Variants in CYP7A1 observed in about 807,000 individuals in gnomAD.
CYP7A1 encodes the protein cytochrome P450 7A1.
A neutral mutation model predicts 43.8 loss-of-function variants in CYP7A1; 28 were observed. The observed-to-expected ratio is 0.64, with a 90% confidence interval of 0.47 to 0.88. CYP7A1 has a LOEUF of 0.88. Among genes scored for constraint, CYP7A1 ranks in the 40% least tolerant of loss-of-function variants. The pLI, the probability that CYP7A1 is intolerant of heterozygous loss-of-function variation, is 0.00. For synonymous variants in CYP7A1, 227 were observed against 222.5 expected, an observed-to-expected ratio of 1.02 and a Z score of -0.18; for missense variants, 637 against 611.9, an observed-to-expected ratio of 1.04 and a Z score of -0.43.
rs1481940948 is a variant in CYP7A1 at position 58,497,038 on chromosome 8, G to A, written c.474C>T (p.Ser158=). The A allele has an allele frequency of 5.5e-5, 89 of 1,608,716 alleles. No homozygotes were observed. The highest frequency in any genetic ancestry group is 7.4e-5 in the Non-Finnish European group (87 of 1,180,002). ...CCCAGGCAGCGGTCTTTGAGTTAGA[G>A]GAGACTGGAGGTCTCATGATACGTT... ...NLQRIMRPPV[S]SNSKTAAWVT... The change falls in exon 3 of 6, where the codon TCC becomes TCT. Residue 158 remains serine (S), a synonymous_variant. Transcript: ENST00000301645.
chr8:58,491,962 A>G (rs1436594953), intron 5 of CYP7A1, among the ~76,000 whole-genome samples, 188 bp from the exon 6 acceptor site: 1 of 152,180 alleles, frequency 6.6e-6, no homozygotes, highest in Non-Finnish European at 1.5e-5. Context: ...AAGCCTTGTG[A>G]TACCTCCTAT....
intron 4 of CYP7A1, 93 bp downstream of exon 4, chr8:58,494,413 C>T: frequency 2.2e-6 from 3 of 1,348,312 alleles, no homozygotes; most frequent in Non-Finnish European, 3.2e-6. Context: ...TAGTTTAATG[C>T]CTAGAATTCG....
At position 58,494,425 on chromosome 8, in the gene CYP7A1, T is replaced by C. The variant is rs3747809; in HGVS notation, c.1039+81A>G. 2,390 of 1,455,608 alleles carry C rather than the reference T, an allele frequency of 1.6e-3. 54 individuals carry two copies. In the East Asian group the frequency reaches 0.047, roughly 29 times the overall value. 90.2% of individuals were successfully genotyped at this position (1,455,608 alleles called of 1,614,324 possible). A position where few individuals can be genotyped will look rare whatever the true frequency, so the allele number is the denominator to read the frequency against. The stretch of plus-strand genomic sequence containing the variant: ...ATTTAGTTTAATGCCTAGAATTCGG[T>C]AAGTATATAATTTATGTTGGTCATT... On this transcript the variant is annotated intron_variant, in intron 4 of 5. Transcript: ENST00000301645.
At chr8:58,494,816 G>C (rs774205435) in intron 3 of CYP7A1, among the ~76,000 whole-genome samples, 180 bp from the exon 4 acceptor site, 1 of 152,148 alleles carries the variant, frequency 6.6e-6, no homozygotes, top group Admixed American at 6.5e-5. Flanking sequence ...TTATGTCCTT[G>C]GATATTAGTA....
At chr8:58,497,942 A>G (rs560129504) in intron 2 of CYP7A1, among the ~76,000 whole-genome samples, 3 of 152,312 alleles carry the variant, frequency 2.0e-5, no homozygotes, top group Admixed American at 6.5e-5. Flanking sequence ...ATGAATTTTT[A>G]TCTATCTTAT....
At chr8:58,498,770 AT>A (rs1157187223) in intron 1 of CYP7A1, among the ~76,000 whole-genome samples, 1 of 152,222 alleles carries the variant, frequency 6.6e-6, no homozygotes, top group Non-Finnish European at 1.5e-5. Context: ...AGGCAAAAGG[AT>A]TTACAAGACC....
intron 5 of CYP7A1, 123 bp downstream of exon 5, chr8:58,492,230 C>T (rs1809362186): frequency 3.1e-6 from 3 of 968,540 alleles, no homozygotes; most frequent in Non-Finnish European, 5.0e-6. Context: ...ATATTTAACA[C>T]AATTAAGCAG....
Position 58,497,206 on chromosome 8 carries a change from A to G in CYP7A1, c.322-16T>C. ...GCCCAAATGCCTGATAGCAAATAAA[A>G]CATGCAGAAAAAGAAGTTAAACCTG... is the stretch of plus-strand genomic sequence containing the variant. On this transcript the variant is annotated splice_polypyrimidine_tract_variant and intron_variant, in intron 2 of 5. Coordinates refer to ENST00000301645, the MANE Select transcript of CYP7A1 (RefSeq NM_000780.4). 1.3e-6 allele frequency: 2 copies of G among 1,591,030 alleles called. No individual in the cohort carries two copies. Among genetic ancestry groups the G allele is most frequent in the Middle Eastern group, 1.7e-4 (1 of 6,040 alleles).
chr8:58,498,225 T>C lies in CYP7A1; in HGVS notation c.321+4A>G. On this transcript the variant is annotated splice_donor_region_variant and intron_variant, in intron 2 of 5. Transcript: ENST00000301645. The stretch of plus-strand genomic sequence containing the variant: ...GAATGGTATATAAATGTAAAACTGC[T>C]TACCTTCGCAGAAGTAGCAAAGTGA... 6.2e-7 allele frequency: 1 copy of C among 1,613,978 alleles called. No individual in the cohort carries two copies.
At chr8:58,497,214 A>C in intron 2 of CYP7A1, 24 bp from the exon 3 acceptor site, 1 of 1,580,268 alleles carries the variant, frequency 6.3e-7, no homozygotes, top group South Asian at 1.1e-5. Flanking sequence ...AAACATGCAG[A>C]AAAAGAAGTT....
In CYP7A1 at chr8:58,494,653, G is replaced by A; in HGVS notation, c.909-17C>T. On this transcript the variant is annotated splice_polypyrimidine_tract_variant and intron_variant, in intron 3 of 5. Transcript: ENST00000301645. Reference sequence around the variant, plus strand: ...TCTGGGTTCCTATTAAAAGGTAAGAGAAAACATGTATGTACAGAAAATAAA... The same window carrying A: ...TCTGGGTTCCTATTAAAAGGTAAGAAAAAACATGTATGTACAGAAAATAAA... The A allele has an allele frequency of 3.7e-6, 6 of 1,612,752 alleles. No homozygotes were observed. The highest frequency in any genetic ancestry group is 5.1e-6 in the Non-Finnish European group (6 of 1,179,342).
chr8:58,491,451 T>C lies in CYP7A1; in HGVS notation c.*24A>G. The stretch of plus-strand genomic sequence containing the variant: ...TCTGCAGTCCTGTAATATCATCTAG[T>C]GTCCTCTTATTCCAGCCATGTATTC... On this transcript the variant is annotated 3_prime_UTR_variant, in exon 6 of 6. Coordinates refer to ENST00000301645, the MANE Select transcript of CYP7A1 (RefSeq NM_000780.4). The C allele has an allele frequency of 6.2e-7, 1 of 1,605,116 alleles. No homozygotes were observed. The highest frequency in any genetic ancestry group is 8.5e-7 in the Non-Finnish European group (1 of 1,172,432).
At chr8:58,497,766 G>GT (rs201027790) in intron 2 of CYP7A1, among the ~76,000 whole-genome samples, 6 of 152,030 alleles carry the variant, frequency 3.9e-5, no homozygotes, top group South Asian at 2.1e-4. Flanking sequence ...GTAGTTATTG[G>GT]TTTTTTTTCT....
At chr8:58,492,832 C>CAG (rs1809373578) in intron 4 of CYP7A1, among the ~76,000 whole-genome samples, 1 of 152,150 alleles carries the variant, frequency 6.6e-6, no homozygotes, top group African/African-American at 2.4e-5. Context: ...TGGCATGATC[C>CAG]TGGCTCACTG....
rs148278254 is a variant in CYP7A1 at position 58,498,388 on chromosome 8, C to G, written c.162G>C (p.Glu54Asp). 1.2e-6 allele frequency: 2 copies of G among 1,614,086 alleles called. No homozygotes were observed. The highest frequency in any genetic ancestry group is 1.3e-5 in the African/African-American group (1 of 75,016). The part of the protein sequence containing the change: ...CALQFGANPL[E>D]FLRANQRKHG... ...GTTTCCTTTGATTTGCTCTGAGGAA[C>G]TCAAGAGGATTGGCACCAAATTGCA... The change falls in exon 2 of 6, where the codon GAG becomes GAC. Residue 54 changes from glutamate to aspartate, a missense_variant. Coordinates refer to ENST00000301645, the MANE Select transcript of CYP7A1 (RefSeq NM_000780.4).
chr8:58,491,387 T>A lies in CYP7A1; in HGVS notation c.*88A>T. On this transcript the variant is annotated 3_prime_UTR_variant, in exon 6 of 6. Coordinates refer to ENST00000301645, the MANE Select transcript of CYP7A1 (RefSeq NM_000780.4). Reference sequence around the variant, plus strand: ...CCTGGTGAATCATTTCTACCACCACTAAATGCATTTGTCCAAAGGGACTGT... The same window carrying A: ...CCTGGTGAATCATTTCTACCACCACAAAATGCATTTGTCCAAAGGGACTGT... 1 of 1,218,282 alleles carries A rather than the reference T, an allele frequency of 8.2e-7. No individual in the cohort carries two copies. The highest frequency in any genetic ancestry group is 1.2e-6 in the Non-Finnish European group (1 of 841,832). 75.5% of individuals were successfully genotyped at this position (1,218,282 alleles called of 1,614,324 possible). A position where few individuals can be genotyped will look rare whatever the true frequency, so the allele number is the denominator to read the frequency against.
chr8:58,498,816 T>C (rs546430905), intron 1 of CYP7A1, among the ~76,000 whole-genome samples: 11 of 152,350 alleles, frequency 7.2e-5, no homozygotes, highest in African/African-American at 2.4e-4. Flanking sequence ...GAAACAAAAC[T>C]ACATTCTAGT....
chr8:58,495,243 T>TTTATTTATTTATTTATTTA (rs1809421240), intron 3 of CYP7A1, among the ~76,000 whole-genome samples: 1 of 20,872 alleles, frequency 4.8e-5, no homozygotes, highest in Non-Finnish European at 8.9e-5. Flanking sequence ...TTATTTATTT[T>TTTATTTATTTATTTATTTA]GAGACGGAGT....
At position 58,491,467 on chromosome 8, in the gene CYP7A1, C is replaced by T; in HGVS notation, c.*8G>A. The T allele has an allele frequency of 6.2e-7, 1 of 1,613,036 alleles. No individual in the cohort carries two copies. The highest frequency in any genetic ancestry group is 8.5e-7 in the Non-Finnish European group (1 of 1,179,284). ...ATCATCTAGTGTCCTCTTATTCCAG[C>T]CATGTATTCACAAATGCTTGAATTT... On this transcript the variant is annotated 3_prime_UTR_variant, in exon 6 of 6. Transcript: ENST00000301645.
Sources: allele counts gnomAD v4.1 joint callset (sites outside exome capture counted in the v4.1 genomes callset), GRCh38; gene constraint gnomAD v4.1.1; transcripts MANE v1.5; gene names NCBI Gene and HGNC (gene_info 2026-07-23, HGNC 2026-07-21).